Variants in LPP observed in about 807,000 individuals in gnomAD.
The protein encoded by LPP is LIM domain containing preferred translocation partner in lipoma, also known as lipoma-preferred partner.
Under a neutral mutation model 60.4 loss-of-function variants are expected in LPP, and 38 were observed. The observed-to-expected ratio is 0.63, with a 90% CI of 0.49 to 0.83. LPP has a LOEUF of 0.83. LPP is among the 40% of genes least tolerant of loss of function. The probability of loss-of-function intolerance (pLI) is 0.00; values close to 1 mark genes in which losing one functional copy is unlikely to be tolerated. For missense variants in LPP, 902 were observed against 783.6 expected, an observed-to-expected ratio of 1.15 and a Z score of -1.80; for synonymous variants, 328 against 290.8, an observed-to-expected ratio of 1.13 and a Z score of -1.30.
intron 9 of LPP, among the ~76,000 whole-genome samples, chr3:188,765,925 C>A (rs1733951440): frequency 7.8e-6 from 1 of 128,578 alleles, no homozygotes; most frequent in Non-Finnish European, 1.6e-5. Flanking sequence ...GGCTGGAGTG[C>A]AGTGGTATGA....
chr3:188,714,437 G>A (rs1055043426), intron 8 of LPP, among the ~76,000 whole-genome samples: 24 of 152,228 alleles, frequency 1.6e-4, no homozygotes, highest in South Asian at 1.0e-3. Flanking sequence ...ACCGTCTACC[G>A]AATACCTACC....
intron 8 of LPP, among the ~76,000 whole-genome samples, chr3:188,758,572 T>C (rs1440177427): frequency 1.3e-5 from 2 of 152,210 alleles, no homozygotes; most frequent in Non-Finnish European, 2.9e-5. Flanking sequence ...CAGGGCCAAA[T>C]ACAACTGGAG....
intron 2 of LPP, among the ~76,000 whole-genome samples, chr3:188,252,170 C>CATATATATATATATATATATAT (rs10609191): frequency 9.8e-6 from 1 of 101,914 alleles, no homozygotes; most frequent in Non-Finnish European, 1.9e-5. Context: ...CTTCCCCAAA[C>CATATATATATATATATATATAT]ATATATATAT....
intron 3 of LPP, among the ~76,000 whole-genome samples, chr3:188,363,905 C>CAAAAAA (rs541715135): frequency 5.2e-5 from 5 of 96,892 alleles, no homozygotes; most frequent in East Asian, 3.3e-4. Flanking sequence ...AACTCCCTCC[C>CAAAAAA]AAAAAAAAAA....
rs139574937 is a variant in LPP, at chr3:188,787,282, T to C, written c.1410+27000T>C. ...TCAACTTCATATGAATCTACAATTA[T>C]AAGAAAATTTAAAGTTTAATTTATA... On this transcript the variant is annotated intron_variant, in intron 9 of 11. Coordinates refer to ENST00000617246, the MANE Select transcript of LPP (RefSeq NM_001375462.1). Among the ~76,000 whole-genome samples, 99 of 152,304 alleles carry C rather than the reference T, an allele frequency of 6.5e-4. 1 individual carries two copies. Among genetic ancestry groups the C allele is most frequent in the Admixed American group, 2.4e-3 (37 of 15,296 alleles).
intron 2 of LPP, among the ~76,000 whole-genome samples, chr3:188,235,633 A>G (rs1721633508): frequency 6.6e-6 from 1 of 152,184 alleles, no homozygotes; most frequent in African/African-American, 2.4e-5. Flanking sequence ...ACCTTGGGCA[A>G]TCTCTTCTCC....
chr3:188,172,548 A>G (rs1223094319), intron 1 of LPP, among the ~76,000 whole-genome samples: 2 of 152,208 alleles, frequency 1.3e-5, no homozygotes, highest in African/African-American at 4.8e-5. Context: ...GATTATCTAA[A>G]TGATTGTGTT....
chr3:188,679,680 C>T (rs1318318618), intron 7 of LPP, among the ~76,000 whole-genome samples: 1 of 152,166 alleles, frequency 6.6e-6, no homozygotes, highest in Non-Finnish European at 1.5e-5. Flanking sequence ...TTGTACTTTA[C>T]ATCTGACTTT....
At chr3:188,762,255 C>A (rs542516027) in intron 9 of LPP, among the ~76,000 whole-genome samples, 1 of 152,288 alleles carries the variant, frequency 6.6e-6, no homozygotes, top group Admixed American at 6.5e-5. Flanking sequence ...TTCTAAGTAT[C>A]AGTTGCCTCA....
intron 9 of LPP, among the ~76,000 whole-genome samples, chr3:188,791,400 C>G (rs1743696964): frequency 6.6e-6 from 1 of 151,908 alleles, no homozygotes; most frequent in African/African-American, 2.4e-5. Flanking sequence ...TCTAGTTGTT[C>G]TGTATATAAA....
rs1731730629 is a variant in LPP, at chr3:188,760,215, A to G, written c.1343A>G (p.Asn448Ser). Residue 448 changes from asparagine to serine, a missense_variant, in exon 9 of 12, where the codon AAC becomes AGC. Transcript: ENST00000617246. ...GATTGTTTTACCTGCATCATCTGCA[A>G]CAACAAGCTCCGAGGGCAGCCATTC... ...HVDCFTCIIC[N>S]NKLRGQPFYA... 2 of 1,614,180 alleles carry G rather than the reference A, an allele frequency of 1.2e-6. No individual in the cohort carries two copies. Among genetic ancestry groups the G allele is most frequent in the Non-Finnish European group, 8.5e-7 (1 of 1,180,026 alleles).
At chr3:188,810,931 A>G (rs999168306) in intron 9 of LPP, among the ~76,000 whole-genome samples, 1 of 152,204 alleles carries the variant, frequency 6.6e-6, no homozygotes, top group Admixed American at 6.5e-5. Context: ...AGACATTTGA[A>G]TTATTTATGG....
At chr3:188,195,541 C>A (rs898570705) in intron 1 of LPP, among the ~76,000 whole-genome samples, 1 of 152,146 alleles carries the variant, frequency 6.6e-6, no homozygotes, top group Non-Finnish European at 1.5e-5. Context: ...ATGCCAGCTG[C>A]CATGTTGAGC....
At chr3:188,768,503 A>G (rs1031145450) in intron 9 of LPP, among the ~76,000 whole-genome samples, 2 of 152,192 alleles carry the variant, frequency 1.3e-5, no homozygotes, top group Non-Finnish European at 2.9e-5. Flanking sequence ...TTGATATATC[A>G]AAATTTTAGA....
chr3:188,258,866 C>T (rs1732599148), intron 2 of LPP, among the ~76,000 whole-genome samples: 1 of 152,068 alleles, frequency 6.6e-6, no homozygotes, highest in Non-Finnish European at 1.5e-5. Context: ...TCACTGAGAA[C>T]ATTTATATTT....
intron 4 of LPP, among the ~76,000 whole-genome samples, chr3:188,459,324 C>T (rs1050639326): frequency 7.9e-5 from 12 of 151,932 alleles, no homozygotes; most frequent in African/African-American, 2.4e-4. Context: ...AATGAACACG[C>T]CCAGAAAAAC....
intron 9 of LPP, among the ~76,000 whole-genome samples, chr3:188,839,478 A>C (rs1391757561): frequency 1.3e-5 from 2 of 152,204 alleles, no homozygotes; most frequent in Non-Finnish European, 2.9e-5. Context: ...AGACTGAGCT[A>C]ACACATCTGC....
chr3:188,867,390 G>T (rs1240204276), intron 10 of LPP, among the ~76,000 whole-genome samples: 2 of 151,150 alleles, frequency 1.3e-5, no homozygotes, highest in African/African-American at 4.9e-5. Context: ...TGCTGCCCAG[G>T]CTGGAGTGCA....
intron 6 of LPP, among the ~76,000 whole-genome samples, chr3:188,543,756 C>T (rs55885364): frequency 0.43 from 65,440 of 151,964 alleles, 15,212 homozygotes; most frequent in East Asian, 0.92. Context: ...ATCACACTTA[C>T]CATAGTCTGT....
Sources: allele counts gnomAD v4.1 joint callset (sites outside exome capture counted in the v4.1 genomes callset), GRCh38; gene constraint gnomAD v4.1.1; transcripts MANE v1.5; gene names NCBI Gene and HGNC (gene_info 2026-07-23, HGNC 2026-07-21).